The following LRRC7 variants were observed in gnomAD, a reference collection of about 807,000 sequenced individuals.
The protein encoded by LRRC7 is leucine-rich repeat-containing protein 7.
LRRC7 carries 23 observed loss-of-function variants against 175.7 expected under a neutral mutation model. The ratio of observed to expected loss-of-function variants is 0.13; its 90% CI spans 0.09 to 0.19. LRRC7 has a LOEUF of 0.19. LRRC7 is among the 10% of genes least tolerant of loss of function. The pLI is 1.00. For synonymous variants in LRRC7, 685 were observed against 680.9 expected (o/e 1.01, Z -0.09); for missense variants, 1,354 against 1,904.7 (o/e 0.71, Z 5.38).
At chr1:69,721,044 T>G (rs1378299545) in intron 2 of LRRC7, among the ~76,000 whole-genome samples, 2 of 151,806 alleles carry the variant, frequency 1.3e-5, no homozygotes, top group African/African-American at 2.4e-5. Context: ...GAATTCTTTT[T>G]ACTTGAAAAA....
intron 8 of LRRC7, among the ~76,000 whole-genome samples, chr1:69,979,893 C>T (rs899604070): frequency 1.3e-4 from 19 of 151,298 alleles, no homozygotes; most frequent in Admixed American, 1.3e-3. Flanking sequence ...CCAGTATTAT[C>T]TCATCACAGT....
chr1:70,020,522 G>C (rs78272110), intron 15 of LRRC7, among the ~76,000 whole-genome samples: 1 of 151,976 alleles, frequency 6.6e-6, no homozygotes, highest in Non-Finnish European at 1.5e-5. Context: ...AATTTGTATA[G>C]AGTTTAGCAG....
intron 11 of LRRC7, among the ~76,000 whole-genome samples, chr1:70,001,367 A>AT (rs1376662460): frequency 1.3e-5 from 2 of 152,220 alleles, no homozygotes; most frequent in Admixed American, 6.5e-5. Flanking sequence ...AAATAGAGAA[A>AT]TAAAAAAAAG....
chr1:69,665,466 CT>C (rs1269760894), intron 1 of LRRC7, among the ~76,000 whole-genome samples: 1 of 151,976 alleles, frequency 6.6e-6, no homozygotes, highest in Non-Finnish European at 1.5e-5. Flanking sequence ...CATGGAATAT[CT>C]TTCATTTTTG....
At chr1:69,783,795 T>C (rs1380129090) in intron 3 of LRRC7, among the ~76,000 whole-genome samples, 2 of 147,354 alleles carry the variant, frequency 1.4e-5, no homozygotes, top group African/African-American at 4.9e-5. Context: ...GAATAACTGG[T>C]CATCTATAAG....
chr1:69,966,892 A>G (rs1651718174), intron 8 of LRRC7, among the ~76,000 whole-genome samples: 1 of 152,240 alleles, frequency 6.6e-6, no homozygotes, highest in Non-Finnish European at 1.5e-5. Flanking sequence ...CAAAGTCCAC[A>G]TGGAGAAGGA....
intron 1 of LRRC7, among the ~76,000 whole-genome samples, chr1:69,668,707 T>C (rs1316452727): frequency 6.6e-6 from 1 of 152,226 alleles, no homozygotes; most frequent in Non-Finnish European, 1.5e-5. Context: ...TCTAGATCCT[T>C]GAGGAATTAC....
chr1:69,881,941 T>C (rs1458287039), intron 7 of LRRC7, among the ~76,000 whole-genome samples: 1 of 149,470 alleles, frequency 6.7e-6, no homozygotes, highest in Non-Finnish European at 1.5e-5. Context: ...GAGAAAATAT[T>C]TGCAAACTAT....
intron 5 of LRRC7, among the ~76,000 whole-genome samples, chr1:69,832,783 A>G (rs1371867721): frequency 6.6e-6 from 1 of 152,132 alleles, no homozygotes; most frequent in African/African-American, 2.4e-5. Flanking sequence ...ACAGAAGCCA[A>G]TATTTATAAT....
chr1:69,781,945 A>AGAAAGAAAGAGAG (rs1348084581), intron 3 of LRRC7, among the ~76,000 whole-genome samples: 2 of 145,644 alleles, frequency 1.4e-5, no homozygotes, highest in African/African-American at 5.1e-5. Context: ...AGAAAGAGAA[A>AGAAAGAAAGAGAG]AGAAAAGAAA....
At chr1:70,006,974 G>C (rs901388658) in intron 11 of LRRC7, among the ~76,000 whole-genome samples, 5 of 152,194 alleles carry the variant, frequency 3.3e-5, no homozygotes, top group Non-Finnish European at 7.4e-5. Flanking sequence ...CACCTGCCCA[G>C]CATTTCTGTG....
intron 25 of LRRC7, 118 bp from the exon 26 acceptor site, chr1:70,107,634 T>A: frequency 1.5e-6 from 1 of 679,396 alleles, no homozygotes; most frequent in Non-Finnish European, 2.6e-6. Flanking sequence ...CTTTGAAGCC[T>A]ACATGCATAA....
At chr1:69,711,509 C>T (rs1402749904) in intron 2 of LRRC7, among the ~76,000 whole-genome samples, 1 of 152,150 alleles carries the variant, frequency 6.6e-6, no homozygotes, top group East Asian at 1.9e-4. Flanking sequence ...AATTGAAAAC[C>T]TAAATCTAGA....
chr1:69,674,270 G>A (rs769802145), intron 1 of LRRC7, among the ~76,000 whole-genome samples: 39 of 152,132 alleles, frequency 2.6e-4, no homozygotes, highest in Non-Finnish European at 5.1e-4. Context: ...GGAAATAATG[G>A]ACTAAGAAGC....
At chr1:69,789,921 C>A (rs1034388627) in intron 3 of LRRC7, among the ~76,000 whole-genome samples, 5 of 151,932 alleles carry the variant, frequency 3.3e-5, no homozygotes, top group African/African-American at 1.2e-4. Context: ...TGACAAACAA[C>A]GTCTTACATT....
At chr1:69,587,723 A>T (rs985635933) in intron 1 of LRRC7, among the ~76,000 whole-genome samples, 2 of 152,072 alleles carry the variant, frequency 1.3e-5, no homozygotes, top group Non-Finnish European at 2.9e-5. Context: ...TTCTTGTGAT[A>T]GTTCTTGGAA....
rs548818915 is a variant in LRRC7 at position 69,912,353 on chromosome 1, C to T, written c.648-19154C>T. ...GTGGTGGTCCTTGCCCAGTTATCTACAAGAGTTTTAAAACAGCTTAACTTG... is the reference window on the plus strand; with the variant it reads ...GTGGTGGTCCTTGCCCAGTTATCTATAAGAGTTTTAAAACAGCTTAACTTG... On this transcript the variant is annotated intron_variant, in intron 7 of 26. Transcript: ENST00000651989. Among the ~76,000 whole-genome samples, 72 of 152,220 alleles carry T rather than the reference C, an allele frequency of 4.7e-4. 2 individuals carry two copies. Among genetic ancestry groups the T allele is most frequent in the African/African-American group, 1.6e-3 (65 of 41,542 alleles).
At chr1:70,092,285 T>C (rs747617554) in intron 25 of LRRC7, among the ~76,000 whole-genome samples, 1 of 152,116 alleles carries the variant, frequency 6.6e-6, no homozygotes. Context: ...GTTAAACAGA[T>C]GTTTAAGATC....
intron 2 of LRRC7, among the ~76,000 whole-genome samples, chr1:69,742,735 T>G (rs958152660): frequency 6.6e-6 from 1 of 152,058 alleles, no homozygotes; most frequent in Non-Finnish European, 1.5e-5. Context: ...TTGGTTGTTT[T>G]AAATCTTTGT....
Sources: allele counts gnomAD v4.1 joint callset (sites outside exome capture counted in the v4.1 genomes callset), GRCh38; gene constraint gnomAD v4.1.1; transcripts MANE v1.5; gene names NCBI Gene and HGNC (gene_info 2026-07-23, HGNC 2026-07-21).